The following ZFYVE28 variants were observed in gnomAD, a reference collection of about 807,000 sequenced individuals.
ZFYVE28 encodes lateral signaling target protein 2 homolog.
ZFYVE28 carries 40 observed loss-of-function variants against 82.1 expected under a neutral mutation model. The observed-to-expected ratio is 0.49, with a 90% CI of 0.38 to 0.63. The LOEUF is 0.63. Among genes scored for constraint, ZFYVE28 ranks in the 30% least tolerant of loss-of-function variants. The pLI, the probability that ZFYVE28 is intolerant of heterozygous loss-of-function variation, is 0.00. For missense variants in ZFYVE28, 1,321 were observed against 1,242.1 expected (o/e 1.06, Z -0.96); for synonymous variants, 612 against 546.1 (o/e 1.12, Z -1.68).
intron 2 of ZFYVE28, among the ~76,000 whole-genome samples, chr4:2,343,964 G>A (rs1045640584): frequency 6.6e-6 from 1 of 152,210 alleles, no homozygotes; most frequent in African/African-American, 2.4e-5. Context: ...AGCCAAGATG[G>A]AGTAATAGGA....
Position 2,385,305 on chromosome 4 carries a change from A to T in ZFYVE28, c.40-31232T>A, listed in dbSNP as rs373834124. 1.3e-4 allele frequency among the ~76,000 whole-genome samples: 20 copies of T among 152,272 alleles called. No homozygotes were observed. The East Asian group carries it at 3.1e-3, about 24-fold the overall frequency. ...GTGGGCCAAGAACAGCAGCAGAAAA[A>T]GGTGAGACCCACCTGAAGCAGGCCC... On this transcript the variant is annotated intron_variant, in intron 1 of 12. Coordinates refer to ENST00000290974, the MANE Select transcript of ZFYVE28 (RefSeq NM_020972.3).
At chr4:2,358,047 G>C (rs985589596) in intron 1 of ZFYVE28, among the ~76,000 whole-genome samples, 2 of 152,210 alleles carry the variant, frequency 1.3e-5, no homozygotes, top group Non-Finnish European at 2.9e-5. Context: ...GGACCAAAGA[G>C]GGGACTGAGC....
At chr4:2,353,529 C>T (rs1185789055) in intron 2 of ZFYVE28, among the ~76,000 whole-genome samples, 1 of 152,184 alleles carries the variant, frequency 6.6e-6, no homozygotes, top group African/African-American at 2.4e-5. Flanking sequence ...GCTTCCAGGG[C>T]CATCTGTCAA....
rs543188705 is a variant in ZFYVE28, at chr4:2,332,927, C to T, written c.701+2778G>A. Among the ~76,000 whole-genome samples, 3 of 152,236 alleles carry T rather than the reference C, an allele frequency of 2.0e-5. No individual in the cohort carries two copies. In the East Asian group the frequency reaches 5.8e-4, roughly 29 times the overall value. ...GGCTAGATGCCTGCCTCTGTGGGGG[C>T]TCACAGCTGGCCACCCCCCTGGACA... On this transcript the variant is annotated intron_variant, in intron 6 of 12. Coordinates refer to ENST00000290974, the MANE Select transcript of ZFYVE28 (RefSeq NM_020972.3). The surrounding 1 kb of genome is among the most constrained non-coding windows in gnomAD (Gnocchi z 4.7).
intron 7 of ZFYVE28, among the ~76,000 whole-genome samples, chr4:2,306,561 T>A (rs1716605684): frequency 6.6e-6 from 1 of 152,236 alleles, no homozygotes; most frequent in East Asian, 1.9e-4. Context: ...GATGTTATAT[T>A]TGTGTAGAAT....
rs372694302 is a variant in ZFYVE28 at position 2,271,399 on chromosome 4, A to G, written c.2444T>C (p.Val815Ala). 3 of 1,612,668 alleles carry G rather than the reference A, an allele frequency of 1.9e-6. No homozygotes were observed. The African/African-American group carries it at 4.0e-5, about 22-fold the overall frequency. Residue 815 changes from valine to alanine, a missense_variant, in exon 12 of 13, where the codon GTG becomes GCG. By Grantham distance (64) the Val-to-Ala change is moderately conservative. Transcript: ENST00000290974. The stretch of plus-strand genomic sequence containing the variant: ...GCAGAAGCCACAGGCCTCGTCTGGC[A>G]CCCACTCCGGGGGGTCTGTCACAAC... ...DGDFEDPPEW[V>A]PDEACGFCTA... is the part of the protein sequence containing the mutation.
rs150593023 is a variant in ZFYVE28, at chr4:2,412,646, A to C, written c.39+5639T>G. 2.1e-3 allele frequency among the ~76,000 whole-genome samples: 325 copies of C among 152,268 alleles called. 15 individuals carry two copies. The East Asian group carries it at 0.055, about 26-fold the overall frequency. On this transcript the variant is annotated intron_variant, in intron 1 of 12. Transcript: ENST00000290974. ...TTCTTCAAATTGGAATCAGCTCACC[A>C]TTATTCACCTTTGCACCCGGCACAC...
chr4:2,376,831 T>C (rs1294833755), intron 1 of ZFYVE28, among the ~76,000 whole-genome samples: 1 of 152,008 alleles, frequency 6.6e-6, no homozygotes, highest in Non-Finnish European at 1.5e-5. Flanking sequence ...GAGGCTAAGA[T>C]GGAAGAATTC....
chr4:2,413,713 C>A lies in ZFYVE28; in HGVS notation c.39+4572G>T, dbSNP rs747581248. 4.7e-4 allele frequency among the ~76,000 whole-genome samples: 72 copies of A among 152,386 alleles called. No individual in the cohort carries two copies. In the Middle Eastern group the frequency reaches 0.014, roughly 29 times the overall value. ...TCAGTAGCCTGGCTAGAAGTTATCA[C>A]TCAAATCCCAAGTCCCTGGAACAGG... is the stretch of plus-strand genomic sequence containing the variant. On this transcript the variant is annotated intron_variant, in intron 1 of 12. Transcript: ENST00000290974.
At chr4:2,388,563 C>T (rs938849828) in intron 1 of ZFYVE28, among the ~76,000 whole-genome samples, 2 of 152,202 alleles carry the variant, frequency 1.3e-5, no homozygotes, top group African/African-American at 2.4e-5. Context: ...AGCCTCTTTC[C>T]TGCCCATGTG....
At chr4:2,316,739 CTGGAG>C (rs1264404525) in intron 7 of ZFYVE28, among the ~76,000 whole-genome samples, 1 of 151,310 alleles carries the variant, frequency 6.6e-6, no homozygotes, top group Non-Finnish European at 1.5e-5. Flanking sequence ...GTAGCCCAGG[CTGGAG>C]TGGAGTGGTG....
rs530048556 is a variant in ZFYVE28 at position 2,376,913 on chromosome 4, G to A, written c.40-22840C>T. ...TGTACACCAGCCCAGGCAACAGAGC[G>A]AGACCCTGTCTCAAAAAAAATAAAT... On this transcript the variant is annotated intron_variant, in intron 1 of 12. Coordinates refer to ENST00000290974, the MANE Select transcript of ZFYVE28 (RefSeq NM_020972.3). Among the ~76,000 whole-genome samples, 23 of 152,054 alleles carry A rather than the reference G, an allele frequency of 1.5e-4. No individual in the cohort carries two copies. The South Asian group carries it at 3.7e-3, about 25-fold the overall frequency.
rs1351154073 is a variant in ZFYVE28, at chr4:2,406,708, T to C, written c.39+11577A>G. The stretch of plus-strand genomic sequence containing the variant: ...CGCACAGGTGCACTCTCAGTCTCTG[T>C]CTGGGAGGTGGATTTGCTCCACTCC... On this transcript the variant is annotated intron_variant, in intron 1 of 12. Transcript: ENST00000290974. The C allele has an allele frequency of 1.3e-5, 2 of 152,274 alleles. 1 individual carries two copies. The highest frequency in any genetic ancestry group is 4.8e-5 in the African/African-American group (2 of 41,458). The allele number at this position is 152,274 out of a possible 1,614,324, so 9.4% of individuals were successfully genotyped here. A position where few individuals can be genotyped will look rare whatever the true frequency, so the allele number is the denominator to read the frequency against.
rs149554408 is a variant in ZFYVE28 at position 2,304,324 on chromosome 4, C to T, written c.2016G>A (p.Ser672=). ...ACAGGGCCTGAGGCGCCTCGTGAGC[C>T]GAGGGGCTCCCAGCATGCAGCTCTC... ...EARELHAGSP[S]AHEAPQALSG... Residue 672 remains serine, a synonymous_variant, in exon 8 of 13, where the codon TCG becomes TCA. Coordinates refer to ENST00000290974, the MANE Select transcript of ZFYVE28 (RefSeq NM_020972.3). 2.2e-5 allele frequency: 36 copies of T among 1,600,764 alleles called. No homozygotes were observed. The highest frequency in any genetic ancestry group is 1.2e-4 in the African/African-American group (9 of 74,774).
intron 1 of ZFYVE28, among the ~76,000 whole-genome samples, chr4:2,377,765 C>A (rs1728312515): frequency 6.6e-6 from 1 of 152,232 alleles, no homozygotes; most frequent in African/African-American, 2.4e-5. Context: ...TACCACAATA[C>A]ATCTCAGTGT....
chr4:2,325,784 G>A (rs1719776957), intron 6 of ZFYVE28, among the ~76,000 whole-genome samples: 2 of 151,972 alleles, frequency 1.3e-5, no homozygotes, highest in Admixed American at 1.3e-4. Flanking sequence ...GTTGGGATGA[G>A]GTTTCACTAT....
intron 1 of ZFYVE28, among the ~76,000 whole-genome samples, chr4:2,359,591 G>A (rs1327694390): frequency 6.6e-6 from 1 of 152,192 alleles, no homozygotes; most frequent in East Asian, 1.9e-4. Context: ...GCAAGCCAAG[G>A]AGAGACCCAG....
rs1300756900 is a variant in ZFYVE28, at chr4:2,351,428, T to C, written c.180+2505A>G. Among the ~76,000 whole-genome samples, 3 of 152,210 alleles carry C rather than the reference T, an allele frequency of 2.0e-5. No individual in the cohort carries two copies. In the East Asian group the frequency reaches 5.8e-4, roughly 29 times the overall value. The stretch of plus-strand genomic sequence containing the variant: ...GCACCAAACAATCAAAAATTGACAT[T>C]TAGGGCCAGGCACGGTGACTCATGC... On this transcript the variant is annotated intron_variant, in intron 2 of 12. Transcript: ENST00000290974.
chr4:2,308,678 A>AAG (rs1560182427), intron 7 of ZFYVE28, among the ~76,000 whole-genome samples: 4 of 41,682 alleles, frequency 9.6e-5, no homozygotes, highest in African/African-American at 3.6e-4. Context: ...AGAAAGAAAG[A>AAG]GAAAGAAAGA....
Sources: gnomAD v4.1 joint callset for allele counts (sites outside exome capture counted in the v4.1 genomes callset) on GRCh38, gnomAD v4.1.1 for gene constraint, Gnocchi (gnomAD v3.1) non-coding constraint, MANE v1.5 for transcripts, NCBI Gene and HGNC (gene_info 2026-07-23, HGNC 2026-07-21) for gene names.